Variants in TBC1D15 observed in about 807,000 individuals in gnomAD.
The protein encoded by TBC1D15 is TBC1 domain family member 15, also known as GAP for RAB7.
In TBC1D15, 39 loss-of-function variants were observed where a neutral mutation model predicts 95.4. The observed-to-expected ratio is 0.41, with a 90% CI of 0.32 to 0.53. TBC1D15 has a LOEUF of 0.53. TBC1D15 is among the 20% of genes least tolerant of loss of function. The pLI, the probability that TBC1D15 is intolerant of heterozygous loss-of-function variation, is 0.29. For synonymous variants in TBC1D15, 258 were observed against 261.3 expected, an observed-to-expected ratio of 0.99 and a Z score of 0.12; for missense variants, 733 against 794.3, an observed-to-expected ratio of 0.92 and a Z score of 0.93.
rs1902979724 is a variant in TBC1D15 at position 71,913,664 on chromosome 12, C to T, written c.1301-162C>T. 7.4e-6 allele frequency: 4 copies of T among 542,746 alleles called. No homozygotes were observed. The East Asian group carries it at 1.5e-4, about 20-fold the overall frequency. 33.6% of individuals were successfully genotyped at this position (542,746 alleles called of 1,614,324 possible). A position where few individuals can be genotyped will look rare whatever the true frequency, so the allele number is the denominator to read the frequency against. On this transcript the variant is annotated intron_variant, in intron 11 of 16. Coordinates refer to ENST00000485960, the MANE Select transcript of TBC1D15 (RefSeq NM_001146213.3). ...TTCTTACTTATGACTAGAGTTCCTC[C>T]TCTTCATTTATATTCTTTTCTTGGT...
chr12:71,885,733 A>G (rs1403158181), intron 5 of TBC1D15, among the ~76,000 whole-genome samples: 1 of 152,202 alleles, frequency 6.6e-6, no homozygotes, highest in Admixed American at 6.5e-5. Context: ...GGGGCACTTA[A>G]TTCAGACTGG....
rs374131913 is a variant in TBC1D15, at chr12:71,892,594, T to C, written c.555-628T>C. 3.3e-5 allele frequency among the ~76,000 whole-genome samples: 5 copies of C among 152,042 alleles called. No homozygotes were observed. In the South Asian group the frequency reaches 6.2e-4, roughly 19 times the overall value. On this transcript the variant is annotated intron_variant, in intron 5 of 16. Transcript: ENST00000485960. ...TGTGAAGAGACTTGCTTCTAGAGTT[T>C]AATAAGCAAGAACTAAAAACATAGT...
At chr12:71,914,997 T>C (rs1903346044) in intron 12 of TBC1D15, among the ~76,000 whole-genome samples, 1 of 152,064 alleles carries the variant, frequency 6.6e-6, no homozygotes, top group Non-Finnish European at 1.5e-5. Context: ...TAAGATTTGA[T>C]AGATTTAAAA....
intron 1 of TBC1D15, among the ~76,000 whole-genome samples, chr12:71,861,758 C>T (rs190288271): frequency 1.5e-3 from 216 of 147,020 alleles, no homozygotes; most frequent in Non-Finnish European, 2.8e-3. Context: ...TTTTCTAGTT[C>T]CTTGACATGC....
At chr12:71,896,174 G>GT in intron 8 of TBC1D15, 99 bp downstream of exon 8, 4 of 1,104,250 alleles carry the variant, frequency 3.6e-6, no homozygotes, top group Non-Finnish European at 4.8e-6. Context: ...TTTTGTTGTT[G>GT]GTTTTTTTTT....
At chr12:71,920,668 A>G in intron 14 of TBC1D15, 63 bp from the exon 15 acceptor site, 2 of 1,226,508 alleles carry the variant, frequency 1.6e-6, no homozygotes, top group Non-Finnish European at 2.4e-6. Flanking sequence ...TCAGAATTGT[A>G]TCTGTGAGGA....
chr12:71,906,058 A>G (rs1377319652), intron 10 of TBC1D15, among the ~76,000 whole-genome samples: 1 of 151,974 alleles, frequency 6.6e-6, no homozygotes, highest in Non-Finnish European at 1.5e-5. Context: ...TTTTTGGTAG[A>G]GACAGGGTTT....
chr12:71,901,225 T>C (rs1478552680), intron 10 of TBC1D15, among the ~76,000 whole-genome samples: 1 of 152,120 alleles, frequency 6.6e-6, no homozygotes, highest in African/African-American at 2.4e-5. Flanking sequence ...TCTCACTATG[T>C]TTCCCAGGCT....
intron 14 of TBC1D15, among the ~76,000 whole-genome samples, chr12:71,918,985 C>A (rs1007169066): frequency 1.3e-4 from 20 of 152,076 alleles, no homozygotes; most frequent in African/African-American, 4.3e-4. Flanking sequence ...AGGTTTGTTA[C>A]ATAGGTAAAT....
intron 1 of TBC1D15, chr12:71,849,274 G>A: frequency 3.8e-6 from 3 of 784,840 alleles, no homozygotes; most frequent in Non-Finnish European, 4.3e-6. Flanking sequence ...GTCTGAGACT[G>A]TTCTTTGTTC....
chr12:71,896,989 A>C (rs1196009429), intron 9 of TBC1D15, among the ~76,000 whole-genome samples: 1 of 152,136 alleles, frequency 6.6e-6, no homozygotes, highest in African/African-American at 2.4e-5. Flanking sequence ...ATTTTTGTGA[A>C]TATGTAAAAA....
intron 4 of TBC1D15, among the ~76,000 whole-genome samples, chr12:71,884,108 A>T (rs12304195): frequency 0.017 from 2,626 of 152,256 alleles, 78 homozygotes; most frequent in African/African-American, 0.06. Context: ...TTATCTTTTC[A>T]TCAATTCCTT....
chr12:71,872,851 T>A, intron 2 of TBC1D15, 78 bp from the exon 3 acceptor site: 1 of 1,027,180 alleles, frequency 9.7e-7, no homozygotes, highest in Non-Finnish European at 1.4e-6. Flanking sequence ...TGAAATTTTA[T>A]TTTGGGTTCA....
chr12:71,889,968 T>C (rs1408629003), intron 5 of TBC1D15, among the ~76,000 whole-genome samples: 3 of 152,194 alleles, frequency 2.0e-5, no homozygotes, highest in African/African-American at 4.8e-5. Flanking sequence ...GCCAAGGACA[T>C]GGTCTCATTC....
intron 3 of TBC1D15, among the ~76,000 whole-genome samples, chr12:71,873,985 G>C (rs1180951896): frequency 6.6e-6 from 1 of 152,118 alleles, no homozygotes; most frequent in East Asian, 1.9e-4. Flanking sequence ...GGTGTCCTCT[G>C]TGTGTTTTCA....
At position 71,923,105 on chromosome 12, in the gene TBC1D15, A is replaced by G. The variant is rs752583909; in HGVS notation, c.1926A>G (p.Gln642=). 1.2e-5 allele frequency: 19 copies of G among 1,614,030 alleles called. No homozygotes were observed. The highest frequency in any genetic ancestry group is 1.2e-4 in the Admixed American group (7 of 60,000). Residue 642 remains glutamine, a synonymous_variant, in exon 17 of 17, where the codon CAA becomes CAG. Transcript: ENST00000485960. ...CTCCTTGTCCTACATCTGCATTTCA[A>G]AGTAATGCCTTGCCTACACTCTCTG... ...VMTPCPTSAF[Q]SNALPTLSAS... is the part of the protein sequence containing the mutation.
chr12:71,909,451 T>A (rs1043329759), intron 11 of TBC1D15, among the ~76,000 whole-genome samples: 3 of 152,048 alleles, frequency 2.0e-5, no homozygotes, highest in Admixed American at 6.6e-5. Flanking sequence ...TAAGGAAGGG[T>A]GATTTCGAGT....
intron 1 of TBC1D15, among the ~76,000 whole-genome samples, chr12:71,869,152 T>C (rs909694533): frequency 6.6e-6 from 1 of 152,158 alleles, no homozygotes; most frequent in African/African-American, 2.4e-5. Context: ...GATAGCATTA[T>C]GCTATGTGAA....
chr12:71,900,114 T>TC (rs1899026002), intron 10 of TBC1D15, among the ~76,000 whole-genome samples: 1 of 152,118 alleles, frequency 6.6e-6, no homozygotes, highest in Non-Finnish European at 1.5e-5. Context: ...CAGTTAGTGA[T>TC]ACCCCTTATG....
Sources: gnomAD v4.1 joint callset for allele counts (sites outside exome capture counted in the v4.1 genomes callset) on GRCh38, gnomAD v4.1.1 for gene constraint, MANE v1.5 for transcripts, NCBI Gene and HGNC (gene_info 2026-07-23, HGNC 2026-07-21) for gene names.